GUCY1B1: variants seen among roughly 807,000 people sequenced by gnomAD.
GUCY1B1 encodes the protein guanylate cyclase soluble subunit beta-1.
Under a neutral mutation model 71.0 loss-of-function variants are expected in GUCY1B1, and 43 were observed. The observed-to-expected ratio is 0.61, with a 90% CI of 0.47 to 0.78. The LOEUF is 0.78. Ranked by LOEUF, GUCY1B1 falls within the 30% of genes least tolerant of loss-of-function variation. GUCY1B1 has a pLI of 0.00. For synonymous variants in GUCY1B1, 266 were observed against 259.7 expected, an observed-to-expected ratio of 1.02 and a Z score of -0.23; for missense variants, 535 against 754.1, an observed-to-expected ratio of 0.71 and a Z score of 3.40.
chr4:155,801,429 G>A (rs1579257505), intron 9 of GUCY1B1, among the ~76,000 whole-genome samples: 3 of 152,228 alleles, frequency 2.0e-5, no homozygotes, highest in Admixed American at 2.0e-4. Context: ...TAGTTTTACT[G>A]TTCATACTTA....
At chr4:155,775,409 C>T (rs2111031756) in intron 3 of GUCY1B1, among the ~76,000 whole-genome samples, 1 of 152,310 alleles carries the variant, frequency 6.6e-6, no homozygotes, top group East Asian at 1.9e-4. Flanking sequence ...CCTCCCATCT[C>T]AGCCTCCCAA....
At chr4:155,794,683 C>T (rs1739427393) in intron 6 of GUCY1B1, among the ~76,000 whole-genome samples, 1 of 152,070 alleles carries the variant, frequency 6.6e-6, no homozygotes, top group African/African-American at 2.4e-5. Flanking sequence ...TTTAGAGATA[C>T]TTTTTGCTTG....
rs575237565 is a variant in GUCY1B1, at chr4:155,807,158, C to G, written c.*749C>G. ...TCTCATTAACCACAGGCAGCTGTTA[C>G]AGAAAGCTGCATTGTTTCACATTGA... is the stretch of plus-strand genomic sequence containing the variant. On this transcript the variant is annotated 3_prime_UTR_variant, in exon 14 of 14. Transcript: ENST00000264424. 2.2e-4 allele frequency: 33 copies of G among 152,292 alleles called. No individual in the cohort carries two copies. The highest frequency in any genetic ancestry group is 7.9e-4 in the African/African-American group (33 of 41,584). The allele number at this position is 152,292 out of a possible 1,614,324, so 9.4% of individuals were successfully genotyped here.
At chr4:155,770,417 A>C (rs1358477507) in intron 2 of GUCY1B1, among the ~76,000 whole-genome samples, 2 of 152,188 alleles carry the variant, frequency 1.3e-5, no homozygotes, top group Admixed American at 6.5e-5. Context: ...AAGTCCGATT[A>C]TATATAAATT....
Position 155,782,685 on chromosome 4 carries a change from A to G in GUCY1B1, c.297+5043A>G, listed in dbSNP as rs187017554. On this transcript the variant is annotated intron_variant, in intron 4 of 13. Coordinates refer to ENST00000264424, the MANE Select transcript of GUCY1B1 (RefSeq NM_000857.5). ...TTTTCCTTGAATCTGGGTTGGCTTT[A>G]GTGACTATTTAACCAATCGAATGGG... Among the ~76,000 whole-genome samples, 3 of 152,222 alleles carry G rather than the reference A, an allele frequency of 2.0e-5. No homozygotes were observed. The East Asian group carries it at 5.8e-4, about 29-fold the overall frequency.
intron 4 of GUCY1B1, among the ~76,000 whole-genome samples, chr4:155,789,310 A>C (rs2111104064): frequency 6.6e-6 from 1 of 152,362 alleles, no homozygotes; most frequent in Non-Finnish European, 1.5e-5. Context: ...ATTGCAGTAT[A>C]AACAGAAGGG....
Position 155,789,896 on chromosome 4 carries a change from T to C in GUCY1B1, c.480T>C (p.Thr160=). 1 of 1,608,148 alleles carries C rather than the reference T, an allele frequency of 6.2e-7. No homozygotes were observed. The highest frequency in any genetic ancestry group is 1.1e-5 in the South Asian group (1 of 90,522). The change falls in exon 5 of 14, where the codon ACT becomes ACC. Residue 160 remains threonine, a synonymous_variant. Transcript: ENST00000264424. ...CAGTGGCACAACAAATCCATGGCAC[T>C]GAAATAGACATGAAGGTAACAAACA... is the stretch of plus-strand genomic sequence containing the variant. ...IKTVAQQIHG[T]EIDMKVIQQR...
intron 5 of GUCY1B1, among the ~76,000 whole-genome samples, chr4:155,793,261 G>A (rs1421188067): frequency 6.6e-6 from 1 of 152,006 alleles, no homozygotes; most frequent in Non-Finnish European, 1.5e-5. Flanking sequence ...ATTTTTAGTA[G>A]AGATGGGGTT....
rs199830861 is a variant in GUCY1B1, at chr4:155,793,935, A to G, written c.575A>G (p.Tyr192Cys). 4.4e-6 allele frequency: 7 copies of G among 1,596,624 alleles called. No individual in the cohort carries two copies. Among genetic ancestry groups the G allele is most frequent in the Non-Finnish European group, 6.0e-6 (7 of 1,163,924 alleles). The change falls in exon 6 of 14, where the codon TAT (tyrosine) becomes TGT (cysteine). Residue 192 changes from tyrosine (Y) to cysteine (C), a missense_variant. Transcript: ENST00000264424. ...AAAGAGTCAAAAGAAGAGGATTTTT[A>G]TGAAGATCTTGACAGATTTGAAGAA... Reference protein sequence around the residue: ...EEKESKEEDFYEDLDRFEENG... With the variant: ...EEKESKEEDFCEDLDRFEENG...
rs973160901 is a variant in GUCY1B1 at position 155,759,734 on chromosome 4, G to C, written c.4-53G>C. The C allele has an allele frequency of 5.5e-5, 76 of 1,373,402 alleles. No homozygotes were observed. In the South Asian group the frequency reaches 8.6e-4, roughly 16 times the overall value. The allele number at this position is 1,373,402 out of a possible 1,614,324, so 85.1% of individuals were successfully genotyped here. On this transcript the variant is annotated intron_variant, in intron 1 of 13. Coordinates refer to ENST00000264424, the MANE Select transcript of GUCY1B1 (RefSeq NM_000857.5). Reference sequence around the variant, plus strand: ...GAGGCAGCAGCCTCGCCCCCAAGCCGCTTCTCAGGTACAGCGGGTCCCTGA... The same window carrying C: ...GAGGCAGCAGCCTCGCCCCCAAGCCCCTTCTCAGGTACAGCGGGTCCCTGA...
In GUCY1B1 at chr4:155,759,724, C is replaced by A; in HGVS notation, c.4-63C>A. 8 of 1,232,100 alleles carry A rather than the reference C, an allele frequency of 6.5e-6. No homozygotes were observed. In the Admixed American group the frequency reaches 1.4e-4, roughly 21 times the overall value. 76.3% of individuals were successfully genotyped at this position (1,232,100 alleles called of 1,614,324 possible). On this transcript the variant is annotated intron_variant, in intron 1 of 13. Coordinates refer to ENST00000264424, the MANE Select transcript of GUCY1B1 (RefSeq NM_000857.5). ...CATGGGAGCAGAGGCAGCAGCCTCG[C>A]CCCCAAGCCGCTTCTCAGGTACAGC...
chr4:155,759,998 C>A, intron 2 of GUCY1B1, 138 bp downstream of exon 2: 1 of 613,128 alleles, frequency 1.6e-6, no homozygotes, highest in Admixed American at 3.0e-5. Context: ...TCGCTCCCGG[C>A]TCGCTGCAGC....
chr4:155,779,659 T>G (rs1738284987), intron 4 of GUCY1B1, among the ~76,000 whole-genome samples: 1 of 152,200 alleles, frequency 6.6e-6, no homozygotes, highest in African/African-American at 2.4e-5. Context: ...ATTGAATATG[T>G]TAAAATACTG....
intron 2 of GUCY1B1, among the ~76,000 whole-genome samples, chr4:155,767,668 C>T (rs1737426734): frequency 6.6e-6 from 1 of 151,976 alleles, no homozygotes; most frequent in Admixed American, 6.6e-5. Flanking sequence ...GGGGTTCAGG[C>T]AGGAAGTCGT....
intron 4 of GUCY1B1, among the ~76,000 whole-genome samples, chr4:155,784,328 A>G (rs1738625423): frequency 1.3e-5 from 2 of 152,132 alleles, no homozygotes; most frequent in Admixed American, 6.5e-5. Context: ...TTATGAAAGC[A>G]TTCACTTCCT....
chr4:155,776,004 T>A (rs977823928), intron 3 of GUCY1B1, among the ~76,000 whole-genome samples: 4 of 152,208 alleles, frequency 2.6e-5, no homozygotes, highest in Non-Finnish European at 5.9e-5. Flanking sequence ...GATTGGTAAA[T>A]GTTTAATATT....
Position 155,759,152 on chromosome 4 carries a change from T to C in GUCY1B1, c.3+9T>C. 1.3e-6 allele frequency: 2 copies of C among 1,584,374 alleles called. No homozygotes were observed. The highest frequency in any genetic ancestry group is 1.7e-6 in the Non-Finnish European group (2 of 1,166,122). On this transcript the variant is annotated intron_variant, in intron 1 of 13. Coordinates refer to ENST00000264424, the MANE Select transcript of GUCY1B1 (RefSeq NM_000857.5). Reference sequence around the variant, plus strand: ...CCGGTGCAGACACCATGGTAAGTGCTCTCAGCCGGGTGCGGCCCGAACCTC... The same window carrying C: ...CCGGTGCAGACACCATGGTAAGTGCCCTCAGCCGGGTGCGGCCCGAACCTC...
chr4:155,802,277 A>G lies in GUCY1B1; in HGVS notation c.1176-65A>G. ...GACACTGATGCTGTGTGAAAAGGAC[A>G]GCAGAAGCACTAAAGGCTTTCCCAG... On this transcript the variant is annotated intron_variant, in intron 9 of 13. Coordinates refer to ENST00000264424, the MANE Select transcript of GUCY1B1 (RefSeq NM_000857.5). This position sits in a 1 kb window ranked among gnomAD's most constrained non-coding sequence, Gnocchi z 4.3. 1 of 1,599,812 alleles carries G rather than the reference A, an allele frequency of 6.3e-7. No individual in the cohort carries two copies. The highest frequency in any genetic ancestry group is 2.2e-5 in the East Asian group (1 of 44,500).
intron 11 of GUCY1B1, among the ~76,000 whole-genome samples, chr4:155,804,023 T>A (rs1579262921): frequency 6.6e-6 from 1 of 152,202 alleles, no homozygotes; most frequent in Admixed American, 6.5e-5. Flanking sequence ...TTCTAGTTTA[T>A]TTTTTAAAAC....
Sources: allele counts gnomAD v4.1 joint callset (sites outside exome capture counted in the v4.1 genomes callset), GRCh38; gene constraint gnomAD v4.1.1; non-coding constraint Gnocchi (gnomAD v3.1); transcripts MANE v1.5; gene names NCBI Gene and HGNC (gene_info 2026-07-23, HGNC 2026-07-21).